GFOD1: variants seen among roughly 807,000 people sequenced by gnomAD.
GFOD1 encodes the protein Gfo/Idh/MocA-like oxidoreductase domain containing 1.
In GFOD1, 9 loss-of-function variants were observed where a neutral mutation model predicts 25.4. The ratio of observed to expected loss-of-function variants is 0.35; its 90% CI spans 0.21 to 0.62. The LOEUF (loss-of-function observed/expected upper bound fraction) is 0.62, where lower values mean the gene tolerates loss of function less well. Among genes scored for constraint, GFOD1 ranks in the 20% least tolerant of loss-of-function variants. GFOD1 has a pLI of 0.72. For missense variants in GFOD1, 403 were observed against 556.9 expected (o/e 0.72, Z 2.78); for synonymous variants, 253 against 245.6 (o/e 1.03, Z -0.28).
intron 1 of GFOD1, among the ~76,000 whole-genome samples, chr6:13,459,058 A>AGGTCTAAAGGTAGGTGC (rs1480638267): frequency 6.6e-6 from 1 of 152,192 alleles, no homozygotes; most frequent in African/African-American, 2.4e-5. Context: ...TTGGGAGGTG[A>AGGTCTAAAGGTAGGTGC]GGTCTAACGG....
Position 13,487,072 on chromosome 6 carries a change from G to A in GFOD1, c.-182C>T. 1 of 672,788 alleles carries A rather than the reference G, an allele frequency of 1.5e-6. No individual in the cohort carries two copies. The highest frequency in any genetic ancestry group is 2.0e-5 in the South Asian group (1 of 51,258). 41.7% of individuals were successfully genotyped at this position (672,788 alleles called of 1,614,324 possible). A position where few individuals can be genotyped will look rare whatever the true frequency, so the allele number is the denominator to read the frequency against. On this transcript the variant is annotated 5_prime_UTR_variant, in exon 1 of 2. Coordinates refer to ENST00000379287, the MANE Select transcript of GFOD1 (RefSeq NM_018988.4). This position sits in a 1 kb window ranked among gnomAD's most constrained non-coding sequence, Gnocchi z 4.9. ...GCGCACCGAGCTGCAGGCGGAGCAA[G>A]CTCGGGGCGCCTCAGAACGGTGACT... is the stretch of plus-strand genomic sequence containing the variant.
chr6:13,428,294 C>G (rs1757679495), intron 1 of GFOD1, among the ~76,000 whole-genome samples: 1 of 152,188 alleles, frequency 6.6e-6, no homozygotes, highest in Non-Finnish European at 1.5e-5. Flanking sequence ...TGTTCTCGTC[C>G]TAGTGCCTCT....
chr6:13,393,368 CA>C (rs70989853), intron 1 of GFOD1, among the ~76,000 whole-genome samples: 973 of 72,156 alleles, frequency 0.013, 9 homozygotes, highest in East Asian at 0.099. Flanking sequence ...AAACAACCAC[CA>C]AAAAAAAAAA....
chr6:13,481,207 G>A (rs1758744347), intron 1 of GFOD1, among the ~76,000 whole-genome samples: 2 of 152,220 alleles, frequency 1.3e-5, no homozygotes, highest in East Asian at 3.8e-4. Flanking sequence ...GAGGTTGGAG[G>A]AGAACTTTCT....
At chr6:13,463,084 T>G (rs1472753188) in intron 1 of GFOD1, among the ~76,000 whole-genome samples, 1 of 152,190 alleles carries the variant, frequency 6.6e-6, no homozygotes, top group South Asian at 2.1e-4. Context: ...GGACCCAGCT[T>G]CTTAAAGAGC....
chr6:13,401,990 A>G (rs749906323), intron 1 of GFOD1, among the ~76,000 whole-genome samples: 4 of 152,254 alleles, frequency 2.6e-5, no homozygotes, highest in Non-Finnish European at 4.4e-5. Context: ...AAGGATGAAC[A>G]AATAGATCAA....
chr6:13,368,012 A>C (rs1162803786), intron 1 of GFOD1, among the ~76,000 whole-genome samples: 2 of 152,206 alleles, frequency 1.3e-5, no homozygotes, highest in African/African-American at 4.8e-5. Context: ...TCAATTGACA[A>C]AATCCACGAA....
intron 1 of GFOD1, among the ~76,000 whole-genome samples, chr6:13,374,273 TTGTG>T (rs567594703): frequency 2.1e-3 from 279 of 134,416 alleles, no homozygotes; most frequent in African/African-American, 7.4e-3. Context: ...TGTTTTTTTT[TTGTG>T]TGTGTGTGTG....
chr6:13,453,997 T>C (rs1758144452), intron 1 of GFOD1, among the ~76,000 whole-genome samples: 1 of 152,190 alleles, frequency 6.6e-6, no homozygotes. Context: ...TTGTGGCAGA[T>C]GTAATTAGTC....
intron 1 of GFOD1, among the ~76,000 whole-genome samples, chr6:13,476,038 T>G (rs1466266402): frequency 6.6e-6 from 1 of 152,222 alleles, no homozygotes; most frequent in Non-Finnish European, 1.5e-5. Context: ...TTTGGTAGTT[T>G]CTTAAAAAGT....
At chr6:13,454,606 A>G (rs960718698) in intron 1 of GFOD1, among the ~76,000 whole-genome samples, 3 of 152,088 alleles carry the variant, frequency 2.0e-5, no homozygotes, top group African/African-American at 7.2e-5. Flanking sequence ...TTTCCATGCT[A>G]CCCGCCAGCT....
chr6:13,476,785 T>C (rs2127578703), intron 1 of GFOD1, among the ~76,000 whole-genome samples: 1 of 152,296 alleles, frequency 6.6e-6, no homozygotes, highest in African/African-American at 2.4e-5. Context: ...GTAAAGTTAT[T>C]TTTCCTGCAC....
intron 1 of GFOD1, among the ~76,000 whole-genome samples, chr6:13,458,520 G>A (rs957800272): frequency 7.2e-5 from 11 of 151,986 alleles, no homozygotes; most frequent in African/African-American, 2.4e-4. Flanking sequence ...GCATGGTGGA[G>A]GAGGCACACT....
intron 1 of GFOD1, among the ~76,000 whole-genome samples, chr6:13,467,157 T>A (rs1331543271): frequency 3.3e-5 from 5 of 151,458 alleles, no homozygotes; most frequent in Non-Finnish European, 5.9e-5. Flanking sequence ...ACCAACCATA[T>A]GACAGCAGTC....
intron 1 of GFOD1, among the ~76,000 whole-genome samples, chr6:13,366,686 G>A (rs998036435): frequency 4.0e-5 from 6 of 151,646 alleles, no homozygotes; most frequent in African/African-American, 1.5e-4. Context: ...AAGAGACAGG[G>A]GTCTCCTTAT....
intron 1 of GFOD1, among the ~76,000 whole-genome samples, chr6:13,376,987 G>C (rs999877447): frequency 2.6e-5 from 4 of 151,798 alleles, no homozygotes; most frequent in Non-Finnish European, 5.9e-5. Flanking sequence ...CTTTAGTGAA[G>C]GGATCACAAG....
chr6:13,360,718 T>C lies in GFOD1; in HGVS notation c.*4025A>G. On this transcript the variant is annotated 3_prime_UTR_variant, in exon 2 of 2. Coordinates refer to ENST00000379287, the MANE Select transcript of GFOD1 (RefSeq NM_018988.4). ...CAGCCTCCTGGCAGAACATCAGATGTTGCATCCTGCTGAACAGGAGGGTGC... is the reference window on the plus strand; with the variant it reads ...CAGCCTCCTGGCAGAACATCAGATGCTGCATCCTGCTGAACAGGAGGGTGC... 1 of 456,762 alleles carries C rather than the reference T, an allele frequency of 2.2e-6. No individual in the cohort carries two copies. The highest frequency in any genetic ancestry group is 1.5e-5 in the South Asian group (1 of 64,572). 28.3% of individuals were successfully genotyped at this position (456,762 alleles called of 1,614,324 possible).
chr6:13,467,471 CA>C (rs1272749843), intron 1 of GFOD1, among the ~76,000 whole-genome samples: 1 of 152,178 alleles, frequency 6.6e-6, no homozygotes, highest in Non-Finnish European at 1.5e-5. Flanking sequence ...GAGATTCAAG[CA>C]GATGGTGATG....
chr6:13,463,397 C>T (rs1438147944), intron 1 of GFOD1, among the ~76,000 whole-genome samples: 1 of 152,242 alleles, frequency 6.6e-6, no homozygotes, highest in Non-Finnish European at 1.5e-5. Context: ...TCCAGCTCCT[C>T]ATTCACACTG....
Sources: gnomAD v4.1 joint callset for allele counts (sites outside exome capture counted in the v4.1 genomes callset) on GRCh38, gnomAD v4.1.1 for gene constraint, Gnocchi (gnomAD v3.1) non-coding constraint, MANE v1.5 for transcripts, NCBI Gene and HGNC (gene_info 2026-07-23, HGNC 2026-07-21) for gene names.